TBC1D2B: variants seen among roughly 807,000 people sequenced by gnomAD.
TBC1D2B encodes the protein TBC1 domain family, member 2B.
TBC1D2B carries 64 observed loss-of-function variants against 100.8 expected under a neutral mutation model. That is an observed-to-expected ratio of 0.64 (90% CI 0.52 to 0.78). The LOEUF is 0.78. TBC1D2B is among the 30% of genes least tolerant of loss of function. The probability of loss-of-function intolerance (pLI) is 0.00; values close to 1 mark genes in which losing one functional copy is unlikely to be tolerated. For missense variants in TBC1D2B, 1,052 were observed against 1,218.4 expected (o/e 0.86, Z 2.03); for synonymous variants, 480 against 479.7 (o/e 1.00, Z -0.01).
chr15:77,999,518 G>A (rs1466000217), intron 12 of TBC1D2B: 1 of 238,178 alleles, frequency 4.2e-6, no homozygotes, highest in East Asian at 1.2e-4. Context: ...CAAGCACAGG[G>A]GTCCCCGCGT....
Position 77,997,927 on chromosome 15 carries a change from C to T in TBC1D2B, c.*233G>A, listed in dbSNP as rs1308063101. 1.6e-5 allele frequency: 6 copies of T among 379,910 alleles called. No individual in the cohort carries two copies. The highest frequency in any genetic ancestry group is 2.3e-5 in the Non-Finnish European group (5 of 213,722). 23.5% of individuals were successfully genotyped at this position (379,910 alleles called of 1,614,324 possible). ...GAGGATCCACCAACCAGGCAGAAAG[C>T]GTGACTGAGATACGTGTAACCAAAA... On this transcript the variant is annotated 3_prime_UTR_variant, in exon 13 of 13. Transcript: ENST00000300584.
At chr15:78,047,971 C>G (rs1596324100) in intron 2 of TBC1D2B, among the ~76,000 whole-genome samples, 1 of 152,210 alleles carries the variant, frequency 6.6e-6, no homozygotes, top group Non-Finnish European at 1.5e-5. Context: ...GTACAGATTT[C>G]TGTTACAGGC....
intron 4 of TBC1D2B, among the ~76,000 whole-genome samples, chr15:78,027,590 G>A (rs2072703678): frequency 6.6e-6 from 1 of 152,152 alleles, no homozygotes; most frequent in South Asian, 2.1e-4. Context: ...GGGGATGAAG[G>A]GTTAGGCAGA....
Position 78,025,301 on chromosome 15 carries a change from C to T in TBC1D2B, c.1044G>A (p.Gln348=), listed in dbSNP as rs758828227. The T allele has an allele frequency of 2.7e-5, 44 of 1,613,752 alleles. No individual in the cohort carries two copies. Among genetic ancestry groups the T allele is most frequent in the Non-Finnish European group, 3.7e-5 (44 of 1,179,890 alleles). ...CTTTCTTTAACTGTTCCAGCTCTTC[C>T]TGCTGGCTCTGGACCTGCAGTTGCA... The part of the protein sequence containing the change: ...SEMQLQVQSQ[Q]EELEQLKKDL... Residue 348 remains glutamine (Q), a synonymous_variant, in exon 5 of 13, where the codon CAG becomes CAA. Coordinates refer to ENST00000300584, the MANE Select transcript of TBC1D2B (RefSeq NM_144572.2).
At chr15:78,062,136 G>A (rs375897017) in intron 1 of TBC1D2B, among the ~76,000 whole-genome samples, 9 of 152,306 alleles carry the variant, frequency 5.9e-5, no homozygotes, top group East Asian at 3.9e-4. Flanking sequence ...CCTGCAAGCC[G>A]TCTCCAGGCA....
chr15:78,049,713 C>G (rs1284194159), intron 2 of TBC1D2B, among the ~76,000 whole-genome samples: 1 of 152,246 alleles, frequency 6.6e-6, no homozygotes, highest in East Asian at 1.9e-4. Context: ...AAATTGCAAG[C>G]CTGTTCCACA....
At chr15:78,028,786 C>T (rs992562793) in intron 4 of TBC1D2B, among the ~76,000 whole-genome samples, 2 of 152,164 alleles carry the variant, frequency 1.3e-5, no homozygotes, top group Admixed American at 1.3e-4. Context: ...CACAGAAATA[C>T]AATCAGCAAA....
At chr15:78,000,688 G>C (rs1294761542) in intron 12 of TBC1D2B, among the ~76,000 whole-genome samples, 2 of 152,184 alleles carry the variant, frequency 1.3e-5, no homozygotes, top group South Asian at 4.1e-4. Context: ...TGTCCAAATC[G>C]GCTCTCAGGG....
chr15:78,010,869 C>T (rs534453997), intron 9 of TBC1D2B, among the ~76,000 whole-genome samples: 1 of 152,110 alleles, frequency 6.6e-6, no homozygotes, highest in South Asian at 2.1e-4. Flanking sequence ...GTGGTGAGGG[C>T]GGAAGTGTAG....
chr15:78,073,117 G>A (rs555975914), intron 1 of TBC1D2B, among the ~76,000 whole-genome samples: 1 of 152,252 alleles, frequency 6.6e-6, no homozygotes, highest in South Asian at 2.1e-4. Context: ...ACTATTCCTG[G>A]AGCCTCTACT....
intron 3 of TBC1D2B, among the ~76,000 whole-genome samples, chr15:78,040,496 C>A (rs553324731): frequency 1.3e-5 from 2 of 151,006 alleles, no homozygotes; most frequent in East Asian, 3.9e-4. Flanking sequence ...GTTCAGTAAG[C>A]CAAGATCATG....
intron 8 of TBC1D2B, 60 bp downstream of exon 8, chr15:78,016,486 G>T: frequency 6.6e-7 from 1 of 1,523,258 alleles, no homozygotes. Flanking sequence ...GGTTCCTGCT[G>T]TTGAAAAAGG....
Position 78,009,837 on chromosome 15 carries a change from C to T in TBC1D2B, c.2271-723G>A, listed in dbSNP as rs111774002. Among the ~76,000 whole-genome samples, 16 of 151,618 alleles carry T rather than the reference C, an allele frequency of 1.1e-4. 1 individual carries two copies. The highest frequency in any genetic ancestry group is 2.7e-4 in the African/African-American group (11 of 41,314). ...AAGATACAAAAAAATTAGCCAGGCG[C>T]GGTGGCGGGCGCCTGTAGTCCAAGC... On this transcript the variant is annotated intron_variant, in intron 9 of 12. Coordinates refer to ENST00000300584, the MANE Select transcript of TBC1D2B (RefSeq NM_144572.2).
intron 3 of TBC1D2B, among the ~76,000 whole-genome samples, chr15:78,036,213 CTG>C (rs2072942375): frequency 6.6e-6 from 1 of 152,222 alleles, no homozygotes; most frequent in South Asian, 2.1e-4. Context: ...TCATTTTTAA[CTG>C]TGTACCCCTC....
chr15:78,077,704 G>A lies in TBC1D2B; in HGVS notation c.-52C>T, dbSNP rs948224331. On this transcript the variant is annotated 5_prime_UTR_variant, in exon 1 of 13. Transcript: ENST00000300584. ...CCGCGCCCTGCGCCTCCGCGCCGCG[G>A]CCGCTGCGCCCCCTACCCCCTCCGC... is the stretch of plus-strand genomic sequence containing the variant. The A allele has an allele frequency of 1.6e-5, 16 of 984,720 alleles. No individual in the cohort carries two copies. In the African/African-American group the frequency reaches 2.5e-4, roughly 15 times the overall value. 61.0% of individuals were successfully genotyped at this position (984,720 alleles called of 1,614,324 possible).
chr15:77,998,369 G>A lies in TBC1D2B; in HGVS notation c.2697-14C>T. ...CTGATCAGCTTCCTGGCAGGACGCA[G>A]GGGAGAGACAAGAGAATCAGCGGCG... On this transcript the variant is annotated splice_polypyrimidine_tract_variant and intron_variant, in intron 12 of 12. Transcript: ENST00000300584. 4.5e-6 allele frequency: 7 copies of A among 1,557,918 alleles called. No homozygotes were observed. The highest frequency in any genetic ancestry group is 6.1e-6 in the Non-Finnish European group (7 of 1,150,904).
intron 2 of TBC1D2B, 102 bp from the exon 3 acceptor site, chr15:78,045,170 C>T: frequency 9.5e-7 from 1 of 1,049,944 alleles, no homozygotes; most frequent in South Asian, 1.8e-5. Context: ...AAAATCTAAA[C>T]TATGTAATAG....
At position 78,045,079 on chromosome 15, in the gene TBC1D2B, A is replaced by C. The variant is rs1211985140; in HGVS notation, c.515-11T>G. On this transcript the variant is annotated splice_polypyrimidine_tract_variant and intron_variant, in intron 2 of 12. Coordinates refer to ENST00000300584, the MANE Select transcript of TBC1D2B (RefSeq NM_144572.2). Reference sequence around the variant, plus strand: ...GTGGGTAAATTAAATCTGAAAAAAAAGGTAAACAAATGTCAGTTACTCAAA... The same window carrying C: ...GTGGGTAAATTAAATCTGAAAAAAACGGTAAACAAATGTCAGTTACTCAAA... 1 of 1,589,876 alleles carries C rather than the reference A, an allele frequency of 6.3e-7. No individual in the cohort carries two copies. Among genetic ancestry groups the C allele is most frequent in the African/African-American group, 1.3e-5 (1 of 74,100 alleles).
At chr15:78,070,955 T>C (rs1342017414) in intron 1 of TBC1D2B, among the ~76,000 whole-genome samples, 1 of 152,236 alleles carries the variant, frequency 6.6e-6, no homozygotes, top group Non-Finnish European at 1.5e-5. Flanking sequence ...CCCAAGCAGC[T>C]GGGATTACAG....
Sources: allele counts gnomAD v4.1 joint callset (sites outside exome capture counted in the v4.1 genomes callset), GRCh38; gene constraint gnomAD v4.1.1; transcripts MANE v1.5; gene names NCBI Gene and HGNC (gene_info 2026-07-23, HGNC 2026-07-21).